DUXA: variants seen among roughly 807,000 people sequenced by gnomAD.
DUXA encodes the protein double homeobox protein A.
Under a neutral mutation model 27.5 loss-of-function variants are expected in DUXA, and 25 were observed. The ratio of observed to expected loss-of-function variants is 0.91; its 90% confidence interval spans 0.66 to 1.27. The LOEUF (loss-of-function observed/expected upper bound fraction) is 1.27, where lower values mean the gene tolerates loss of function less well. Among genes scored for constraint, DUXA ranks in the 50% most tolerant of loss-of-function variants. The probability of loss-of-function intolerance (pLI) is 0.00; values close to 1 mark genes in which losing one functional copy is unlikely to be tolerated. For synonymous variants in DUXA, 90 were observed against 80.5 expected (o/e 1.12, Z -0.63); for missense variants, 247 against 242.9 (o/e 1.02, Z -0.11).
chr19:57,154,465 TTTG>T lies in DUXA; in HGVS notation c.559_561del (p.Gln187del). On this transcript the variant is annotated inframe_deletion, in exon 6 of 6. Coordinates refer to ENST00000554048, the MANE Select transcript of DUXA (RefSeq NM_001012729.2). ...GAGTCACTAGTGAAGTTGGTGCCAT[TTTG>T]TGTATCTTCTGCACCTAAGGAGGAA... The T allele has an allele frequency of 6.2e-7, 1 of 1,613,716 alleles. No individual in the cohort carries two copies. Among genetic ancestry groups the T allele is most frequent in the Non-Finnish European group, 8.5e-7 (1 of 1,179,724 alleles).
At chr19:57,161,256 C>T (rs911035048) in intron 1 of DUXA, among the ~76,000 whole-genome samples, 7 of 139,402 alleles carry the variant, frequency 5.0e-5, no homozygotes, top group Admixed American at 7.8e-5. Context: ...ACCTGGGAGG[C>T]GGAGGTTGCA....
intron 1 of DUXA, among the ~76,000 whole-genome samples, chr19:57,164,590 A>T (rs897990516): frequency 1.8e-4 from 27 of 152,200 alleles, no homozygotes; most frequent in Non-Finnish European, 3.2e-4. Context: ...AAATAAAATT[A>T]AAAATAATTT....
chr19:57,161,407 A>G (rs2087021495), intron 1 of DUXA, among the ~76,000 whole-genome samples: 1 of 148,988 alleles, frequency 6.7e-6, no homozygotes, highest in South Asian at 2.1e-4. Context: ...GCGGATCACA[A>G]GGTCAGGAGA....
intron 1 of DUXA, among the ~76,000 whole-genome samples, chr19:57,165,329 A>ATATATATG: frequency 2.8e-5 from 3 of 105,918 alleles, no homozygotes; most frequent in Non-Finnish European, 4.3e-5. Flanking sequence ...AAAAAAATAT[A>ATATATATG]TATATATATA....
chr19:57,159,416 CT>C (rs1027326175), intron 2 of DUXA, 138 bp from the exon 3 acceptor site: 32 of 780,638 alleles, frequency 4.1e-5, no homozygotes, highest in Middle Eastern at 2.3e-4. Flanking sequence ...CTACCAAGTC[CT>C]TTTTTTTCTT....
intron 1 of DUXA, among the ~76,000 whole-genome samples, chr19:57,166,733 T>C (rs1367431612): frequency 2.0e-5 from 3 of 152,152 alleles, no homozygotes; most frequent in African/African-American, 7.2e-5. Context: ...AATAATCTAA[T>C]GAGATGGACC....
chr19:57,167,316 G>A (rs1056435722), intron 1 of DUXA, 103 bp downstream of exon 1: 2 of 1,456,848 alleles, frequency 1.4e-6, no homozygotes, highest in Non-Finnish European at 1.9e-6. Context: ...TACAGTTAAA[G>A]TTTAAAAATG....
chr19:57,155,198 A>G, intron 5 of DUXA, 69 bp downstream of exon 5: 1 of 1,399,112 alleles, frequency 7.1e-7, no homozygotes, highest in Non-Finnish European at 1.0e-6. Context: ...TGTCGGCTCC[A>G]CCATGACGAA....
chr19:57,157,522 G>A (rs1379506146), intron 4 of DUXA, among the ~76,000 whole-genome samples: 1 of 151,770 alleles, frequency 6.6e-6, no homozygotes, highest in African/African-American at 2.4e-5. Flanking sequence ...GTAGAGATGG[G>A]GTTTCACCAT....
intron 1 of DUXA, among the ~76,000 whole-genome samples, chr19:57,165,309 G>GA (rs71186231): frequency 1.0e-3 from 116 of 116,402 alleles, no homozygotes; most frequent in East Asian, 3.8e-3. Flanking sequence ...TCTGGAGTAG[G>GA]AAAAAAAAAA....
intron 2 of DUXA, among the ~76,000 whole-genome samples, chr19:57,159,903 C>G (rs1205263833): frequency 6.6e-6 from 1 of 151,996 alleles, no homozygotes; most frequent in African/African-American, 2.4e-5. Context: ...GAGTTCAAGA[C>G]CAGCCTGGCC....
At chr19:57,161,405 C>T (rs918202862) in intron 1 of DUXA, among the ~76,000 whole-genome samples, 65 of 145,282 alleles carry the variant, frequency 4.5e-4, no homozygotes, top group African/African-American at 1.1e-3. Context: ...GGGCGGATCA[C>T]AAGGTCAGGA....
intron 4 of DUXA, among the ~76,000 whole-genome samples, chr19:57,155,674 T>TAGATAGATAGATAGATA (rs887562063): frequency 4.9e-4 from 75 of 151,796 alleles, no homozygotes; most frequent in African/African-American, 1.7e-3. Context: ...GATAGATAGA[T>TAGATAGATAGATAGATA]ACTTTTTTTT....
intron 1 of DUXA, among the ~76,000 whole-genome samples, chr19:57,164,928 G>A (rs1431572215): frequency 2.0e-5 from 3 of 152,162 alleles, no homozygotes; most frequent in Non-Finnish European, 4.4e-5. Context: ...GGTAACCACA[G>A]TAACTACCAG....
At position 57,161,467 on chromosome 19, in the gene DUXA, CA is replaced by C. The variant is rs1026651678; in HGVS notation, c.26-671del. 7.6e-3 allele frequency among the ~76,000 whole-genome samples: 1,112 copies of C among 147,152 alleles called. 53 individuals are homozygous for C. Among genetic ancestry groups the C allele is most frequent in the African/African-American group, 0.028 (1,070 of 37,774 alleles). The stretch of plus-strand genomic sequence containing the variant: ...TGAAACCCCGTCTCTACTAAAAATA[CA>C]AAAAATTAGCCGGGCGCAGTGGCGG... On this transcript the variant is annotated intron_variant, in intron 1 of 5. Coordinates refer to ENST00000554048, the MANE Select transcript of DUXA (RefSeq NM_001012729.2).
chr19:57,167,485 C>T lies in DUXA; in HGVS notation c.-42G>A. The stretch of plus-strand genomic sequence containing the variant: ...GAAGGCTGAGCCACTGTCTGGGAGA[C>T]AAGTCACTCTGCGCAGAGACTGGGT... On this transcript the variant is annotated 5_prime_UTR_variant, in exon 1 of 6. Transcript: ENST00000554048. 6.2e-7 allele frequency: 1 copy of T among 1,608,458 alleles called. No individual in the cohort carries two copies. Among genetic ancestry groups the T allele is most frequent in the Non-Finnish European group, 8.5e-7 (1 of 1,178,348 alleles).
chr19:57,154,498 GAT>G lies in DUXA; in HGVS notation c.545-18_545-17del. On this transcript the variant is annotated splice_polypyrimidine_tract_variant and intron_variant, in intron 5 of 5. Coordinates refer to ENST00000554048, the MANE Select transcript of DUXA (RefSeq NM_001012729.2). The stretch of plus-strand genomic sequence containing the variant: ...TCTTCTGCACCTAAGGAGGAAAAAA[GAT>G]AGAGGAAAGAATGTAAGAGATCAGC... 1 of 1,599,406 alleles carries G rather than the reference GAT, an allele frequency of 6.3e-7. No individual in the cohort carries two copies. The highest frequency in any genetic ancestry group is 8.6e-7 in the Non-Finnish European group (1 of 1,167,484).
chr19:57,163,719 A>C (rs978956573), intron 1 of DUXA, among the ~76,000 whole-genome samples: 1 of 152,188 alleles, frequency 6.6e-6, no homozygotes, highest in Non-Finnish European at 1.5e-5. Flanking sequence ...GTGAGCCACC[A>C]TGCCTGGCCA....
intron 1 of DUXA, among the ~76,000 whole-genome samples, chr19:57,166,473 T>C (rs2087055430): frequency 1.3e-5 from 2 of 151,870 alleles, no homozygotes; most frequent in South Asian, 2.1e-4. Context: ...CCACGCCTGG[T>C]TAATTTTTGT....
Sources: allele counts gnomAD v4.1 joint callset (sites outside exome capture counted in the v4.1 genomes callset), GRCh38; gene constraint gnomAD v4.1.1; transcripts MANE v1.5; gene names NCBI Gene and HGNC (gene_info 2026-07-23, HGNC 2026-07-21).